The following PCDH15 variants were observed in gnomAD, a reference collection of about 807,000 sequenced individuals.
The protein encoded by PCDH15 is protocadherin-15.
In PCDH15, 129 loss-of-function variants were observed where a neutral mutation model predicts 178.5. That is an observed-to-expected ratio of 0.72 (90% confidence interval 0.63 to 0.84). The LOEUF is 0.84. Ranked by LOEUF, PCDH15 falls within the 40% of genes least tolerant of loss-of-function variation. PCDH15 has a pLI of 0.00. For synonymous variants in PCDH15, 800 were observed against 732.0 expected (o/e 1.09, Z -1.50); for missense variants, 2,230 against 2,099.9 (o/e 1.06, Z -1.21).
intron 2 of PCDH15, among the ~76,000 whole-genome samples, chr10:54,922,183 C>T (rs1028199749): frequency 1.3e-5 from 2 of 152,068 alleles, no homozygotes; most frequent in Non-Finnish European, 2.9e-5. Context: ...ATGACCATGC[C>T]TTTTCAACAG....
intron 2 of PCDH15, among the ~76,000 whole-genome samples, chr10:55,429,731 C>G (rs532973542): frequency 5.3e-5 from 8 of 152,188 alleles, no homozygotes; most frequent in Non-Finnish European, 7.4e-5. Flanking sequence ...CAGTAACAAT[C>G]TAGTCTAGCT....
intron 13 of PCDH15, among the ~76,000 whole-genome samples, chr10:54,174,731 A>T (rs1590963260): frequency 9.7e-6 from 1 of 103,460 alleles, no homozygotes. Context: ...TTTGAGACAG[A>T]GTCTCGTTCC....
At chr10:54,351,088 A>G (rs1944098269) in intron 5 of PCDH15, among the ~76,000 whole-genome samples, 1 of 150,306 alleles carries the variant, frequency 6.7e-6, no homozygotes, top group South Asian at 2.1e-4. Flanking sequence ...TGGGGCGAGA[A>G]CAAGACTCTG....
chr10:55,080,314 C>T (rs1285211798), intron 2 of PCDH15, among the ~76,000 whole-genome samples: 1 of 152,128 alleles, frequency 6.6e-6, no homozygotes, highest in African/African-American at 2.4e-5. Flanking sequence ...CATAGGAGTG[C>T]AAACCCTATT....
At chr10:54,242,886 T>C (rs1227674626) in intron 8 of PCDH15, among the ~76,000 whole-genome samples, 6 of 152,166 alleles carry the variant, frequency 3.9e-5, no homozygotes, top group African/African-American at 1.4e-4. Context: ...TTTGCTGTTA[T>C]AAAAGCCAAA....
intron 2 of PCDH15, among the ~76,000 whole-genome samples, chr10:55,158,868 G>A (rs2132110459): frequency 8.7e-6 from 1 of 115,540 alleles, no homozygotes; most frequent in African/African-American, 2.7e-5. Flanking sequence ...AGAAAGAAAG[G>A]GAGAGAGGGA....
chr10:54,853,218 C>T (rs1457859682), intron 3 of PCDH15, among the ~76,000 whole-genome samples: 1 of 149,504 alleles, frequency 6.7e-6, no homozygotes, highest in Non-Finnish European at 1.5e-5. Flanking sequence ...CGAGATTACA[C>T]CATTGCACTC....
intron 5 of PCDH15, among the ~76,000 whole-genome samples, chr10:54,360,178 G>A (rs1180285007): frequency 2.6e-5 from 4 of 152,086 alleles, no homozygotes; most frequent in Non-Finnish European, 5.9e-5. Flanking sequence ...TTGCCAGATC[G>A]CCACATCAGG....
chr10:54,245,225 G>A (rs1239869571), intron 8 of PCDH15, among the ~76,000 whole-genome samples: 2 of 152,060 alleles, frequency 1.3e-5, no homozygotes, highest in East Asian at 3.9e-4. Context: ...ATCTGATTTT[G>A]CATTATCAGA....
At chr10:53,840,534 G>T in intron 28 of PCDH15, 38 bp from the exon 29 acceptor site, 2 of 1,565,798 alleles carry the variant, frequency 1.3e-6, no homozygotes, top group Non-Finnish European at 1.8e-6. Flanking sequence ...ACAGTCCAAT[G>T]GGCTTTCTGG....
In PCDH15 at chr10:54,719,933, G is replaced by A. The variant is rs111930837; in HGVS notation, c.-28-55643C>T. On this transcript the variant is annotated intron_variant, in intron 1 of 37. Coordinates refer to ENST00000644397, the MANE Select transcript of PCDH15 (RefSeq NM_001384140.1). ...TCTTTATCCAGTCTACTATTGATGG[G>A]TATTTGGGTTGGTTCCATGTCTTTG... Among the ~76,000 whole-genome samples the A allele has an allele frequency of 4.2e-3, 635 of 152,080 alleles. 5 individuals carry two copies. The highest frequency in any genetic ancestry group is 0.015 in the African/African-American group (609 of 41,504).
chr10:54,998,317 A>G (rs2384587), intron 2 of PCDH15, among the ~76,000 whole-genome samples: 111,192 of 151,808 alleles, frequency 0.73, 40,863 homozygotes, highest in East Asian at 0.87. Flanking sequence ...TGGCCACTCC[A>G]GCATGGCACA....
chr10:54,034,777 T>C (rs539571158), intron 18 of PCDH15, among the ~76,000 whole-genome samples: 6 of 151,926 alleles, frequency 3.9e-5, no homozygotes, highest in Non-Finnish European at 8.8e-5. Context: ...AGTAGGTAAC[T>C]ATTTTAGAAT....
chr10:54,650,026 C>A (rs935942394), intron 2 of PCDH15, among the ~76,000 whole-genome samples: 1 of 152,106 alleles, frequency 6.6e-6, no homozygotes, highest in Non-Finnish European at 1.5e-5. Context: ...GTAACTGAGA[C>A]TGTCTCTGTT....
At chr10:54,470,947 G>A (rs1421292687) in intron 3 of PCDH15, among the ~76,000 whole-genome samples, 5 of 151,964 alleles carry the variant, frequency 3.3e-5, no homozygotes. Flanking sequence ...CAGGTACAAA[G>A]ACCCTTGAAA....
chr10:54,006,240 C>T (rs1404710279), intron 20 of PCDH15, among the ~76,000 whole-genome samples: 2 of 152,074 alleles, frequency 1.3e-5, no homozygotes, highest in Admixed American at 6.5e-5. Context: ...ATATTTTCTC[C>T]TGCTATCACC....
At chr10:54,618,011 T>C (rs1019411060) in intron 2 of PCDH15, among the ~76,000 whole-genome samples, 1 of 152,050 alleles carries the variant, frequency 6.6e-6, no homozygotes, top group South Asian at 2.1e-4. Flanking sequence ...ATGAGAGTAT[T>C]CAGCCCAACT....
At chr10:54,450,893 G>T (rs1287258006) in intron 3 of PCDH15, among the ~76,000 whole-genome samples, 1 of 151,800 alleles carries the variant, frequency 6.6e-6, no homozygotes, top group Admixed American at 6.6e-5. Context: ...GTATTCCAAA[G>T]TTATCAGTTA....
chr10:55,336,047 T>G (rs1056874143), intron 2 of PCDH15, among the ~76,000 whole-genome samples: 8 of 147,206 alleles, frequency 5.4e-5, no homozygotes, highest in African/African-American at 1.3e-4. Context: ...TTCTTTGTTG[T>G]GGGGAATTGG....
Sources: allele counts gnomAD v4.1 joint callset (sites outside exome capture counted in the v4.1 genomes callset), GRCh38; gene constraint gnomAD v4.1.1; transcripts MANE v1.5; gene names NCBI Gene and HGNC (gene_info 2026-07-23, HGNC 2026-07-21).